Variants in ALDH9A1 observed in about 807,000 individuals in gnomAD.
The protein encoded by ALDH9A1 is 4-trimethylaminobutyraldehyde dehydrogenase.
In ALDH9A1, 42 loss-of-function variants were observed where a neutral mutation model predicts 56.6. The observed-to-expected ratio is 0.74, with a 90% CI of 0.58 to 0.96. The LOEUF is 0.96. Among genes scored for constraint, ALDH9A1 ranks in the 40% least tolerant of loss-of-function variants. The probability of loss-of-function intolerance (pLI) is 0.00; values close to 1 mark genes in which losing one functional copy is unlikely to be tolerated. For synonymous variants in ALDH9A1, 242 were observed against 236.0 expected, an observed-to-expected ratio of 1.03 and a Z score of -0.23; for missense variants, 661 against 651.5, an observed-to-expected ratio of 1.01 and a Z score of -0.16.
chr1:165,667,484 T>C (rs979233509), intron 8 of ALDH9A1, 34 bp from the exon 9 acceptor site: 5 of 1,609,612 alleles, frequency 3.1e-6, no homozygotes, highest in Admixed American at 1.7e-5. Context: ...CCTGAGCAGC[T>C]GGGACCACAG....
chr1:165,674,744 T>A (rs1368658571), intron 6 of ALDH9A1, among the ~76,000 whole-genome samples: 1 of 151,852 alleles, frequency 6.6e-6, no homozygotes. Context: ...CAATTCCTCT[T>A]CTGGGTATAT....
intron 6 of ALDH9A1, among the ~76,000 whole-genome samples, chr1:165,671,000 G>A (rs1227687129): frequency 1.3e-5 from 2 of 152,218 alleles, no homozygotes; most frequent in Non-Finnish European, 2.9e-5. Flanking sequence ...CAACGTGGGA[G>A]ATGGAGGTTG....
At chr1:165,683,245 GT>G in intron 2 of ALDH9A1, 135 bp from the exon 3 acceptor site, 1 of 944,122 alleles carries the variant, frequency 1.1e-6, no homozygotes, top group Non-Finnish European at 1.6e-6. Context: ...AAATGGCAGT[GT>G]TACATTTAGA....
chr1:165,694,948 T>G (rs1650017798), intron 2 of ALDH9A1, among the ~76,000 whole-genome samples: 1 of 144,008 alleles, frequency 6.9e-6, no homozygotes, highest in Non-Finnish European at 1.5e-5. Flanking sequence ...AGAGCAAGAT[T>G]CCGTCTCAAA....
intron 7 of ALDH9A1, 48 bp downstream of exon 7, chr1:165,669,214 A>T: frequency 1.3e-6 from 2 of 1,501,728 alleles, no homozygotes; most frequent in Non-Finnish European, 1.8e-6. Context: ...GTGATTTAGG[A>T]GTAGTATAAT....
intron 10 of ALDH9A1, 81 bp from the exon 11 acceptor site, chr1:165,663,225 G>T: frequency 9.1e-7 from 1 of 1,103,556 alleles, no homozygotes; most frequent in Non-Finnish European, 1.4e-6. Context: ...GATGAGCACT[G>T]CTAATCAGGG....
chr1:165,689,851 T>C (rs969028519), intron 2 of ALDH9A1, among the ~76,000 whole-genome samples: 1 of 151,608 alleles, frequency 6.6e-6, no homozygotes, highest in Admixed American at 6.6e-5. Context: ...GGAGAATCGC[T>C]TGAACCCAGG....
chr1:165,672,235 A>G (rs1254745146), intron 6 of ALDH9A1, among the ~76,000 whole-genome samples: 2 of 152,202 alleles, frequency 1.3e-5, no homozygotes, highest in Non-Finnish European at 2.9e-5. Flanking sequence ...AAATAAAAAA[A>G]TGGATAAACA....
At chr1:165,681,960 A>G (rs1649564166) in intron 4 of ALDH9A1, 147 bp downstream of exon 4, 1 of 1,075,090 alleles carries the variant, frequency 9.3e-7, no homozygotes. Context: ...GGAACGAGCC[A>G]TGTCCTCTGA....
chr1:165,676,638 T>C (rs1330647696), intron 6 of ALDH9A1: 6 of 351,908 alleles, frequency 1.7e-5, no homozygotes, highest in Non-Finnish European at 2.7e-5. Flanking sequence ...TGAAAGAAGA[T>C]GATCAGAAAA....
chr1:165,670,595 C>T (rs1196307335), intron 6 of ALDH9A1, among the ~76,000 whole-genome samples: 1 of 151,920 alleles, frequency 6.6e-6, no homozygotes, highest in East Asian at 1.9e-4. Flanking sequence ...TTAAACTAAG[C>T]CAAGACCATT....
chr1:165,671,671 G>C, intron 6 of ALDH9A1: 1 of 475,796 alleles, frequency 2.1e-6, no homozygotes, highest in Non-Finnish European at 4.1e-6. Flanking sequence ...ATAAGACCAA[G>C]TGAGTCCTCT....
chr1:165,683,261 A>T, intron 2 of ALDH9A1, 151 bp from the exon 3 acceptor site: 1 of 834,244 alleles, frequency 1.2e-6, no homozygotes, highest in Non-Finnish European at 1.9e-6. Flanking sequence ...TTTAGAAGAG[A>T]GATAAAGGCT....
intron 2 of ALDH9A1, among the ~76,000 whole-genome samples, chr1:165,692,313 C>G (rs1184290957): frequency 6.6e-6 from 1 of 152,172 alleles, no homozygotes; most frequent in East Asian, 1.9e-4. Flanking sequence ...ATTTAGAAAA[C>G]CCCATTGTCT....
In ALDH9A1 at chr1:165,695,367, C is replaced by G. The variant is rs1189460853; in HGVS notation, c.212G>C (p.Gly71Ala). Residue 71 changes from glycine (G) to alanine (A), a missense_variant, in exon 2 of 11, where the codon GGA becomes GCA. Gly to Ala is a moderately conservative substitution (Grantham distance 60). Transcript: ENST00000354775. ...AACAGCCAAATTTACTTCCTTTTCT[C>G]CTGAACATGTGAAAGTAGCTATCAC... is the stretch of plus-strand genomic sequence containing the variant. ...GRVIATFTCS[G>A]EKEVNLAVQN... The G allele has an allele frequency of 1.2e-6, 2 of 1,612,146 alleles. No individual in the cohort carries two copies. Among genetic ancestry groups the G allele is most frequent in the Non-Finnish European group, 1.7e-6 (2 of 1,179,224 alleles).
rs1233666171 is a variant in ALDH9A1 at position 165,683,092 on chromosome 1, C to G, written c.346G>C (p.Ala116Pro). The change falls in exon 3 of 11, where the codon GCT becomes CCT. Residue 116 changes from alanine (A) to proline (P), a missense_variant. By Grantham distance (27) the Ala-to-Pro change is conservative. Coordinates refer to ENST00000354775, the MANE Select transcript of ALDH9A1 (RefSeq NM_000696.4). ...CCATTGTTGATGCACTCCATAGTAG[C>G]AATTTCATCCTCCCGTTCCTTTGGG... Reference protein sequence around the residue: ...RIIREREDEIATMECINNGKS... With the variant: ...RIIREREDEIPTMECINNGKS... The G allele has an allele frequency of 1.9e-6, 3 of 1,614,002 alleles. No homozygotes were observed. The South Asian group carries it at 3.3e-5, about 18-fold the overall frequency.
intron 2 of ALDH9A1, among the ~76,000 whole-genome samples, chr1:165,686,150 C>G (rs1649699910): frequency 1.3e-5 from 2 of 152,136 alleles, no homozygotes; most frequent in Non-Finnish European, 2.9e-5. Context: ...ACTAAAAACA[C>G]CAGATAAAAT....
intron 2 of ALDH9A1, among the ~76,000 whole-genome samples, chr1:165,686,816 A>T (rs1432819845): frequency 1.3e-5 from 2 of 152,240 alleles, no homozygotes; most frequent in Non-Finnish European, 2.9e-5. Flanking sequence ...CTAGTGATCA[A>T]AAACTACCAG....
intron 6 of ALDH9A1, among the ~76,000 whole-genome samples, chr1:165,678,295 C>G (rs1349587389): frequency 6.6e-6 from 1 of 152,162 alleles, no homozygotes; most frequent in African/African-American, 2.4e-5. Context: ...GATCGTGCCA[C>G]TGCACTACCG....
Sources: allele counts gnomAD v4.1 joint callset (sites outside exome capture counted in the v4.1 genomes callset), GRCh38; gene constraint gnomAD v4.1.1; transcripts MANE v1.5; gene names NCBI Gene and HGNC (gene_info 2026-07-23, HGNC 2026-07-21).